The following NLK variants were observed in gnomAD, a reference collection of about 807,000 sequenced individuals.
NLK encodes nemo like kinase, also known as serine/threonine-protein kinase NLK.
NLK carries 11 observed loss-of-function variants against 59.0 expected under a neutral mutation model. The ratio of observed to expected loss-of-function variants is 0.19; its 90% CI spans 0.12 to 0.31. NLK has a LOEUF of 0.31. Among genes scored for constraint, NLK ranks in the 10% least tolerant of loss-of-function variants. The pLI is 1.00. For missense variants in NLK, 410 were observed against 661.1 expected (o/e 0.62, Z 4.16); for synonymous variants, 235 against 235.9 (o/e 1.00, Z 0.03).
chr17:28,137,879 T>C (rs1007190460), intron 3 of NLK, among the ~76,000 whole-genome samples: 5 of 152,158 alleles, frequency 3.3e-5, no homozygotes, highest in Admixed American at 6.5e-5. Context: ...CTGTATCTTT[T>C]AACTTTTTGT....
At chr17:28,122,811 A>G in intron 2 of NLK, 79 bp downstream of exon 2, 1 of 1,523,120 alleles carries the variant, frequency 6.6e-7, no homozygotes, top group Non-Finnish European at 9.0e-7. Context: ...TGAAAGTTTA[A>G]AAGGGCACCT....
intron 5 of NLK, among the ~76,000 whole-genome samples, chr17:28,167,300 A>G (rs1313882389): frequency 2.6e-5 from 4 of 152,042 alleles, no homozygotes; most frequent in Admixed American, 6.6e-5. Context: ...GCAGTGGCAC[A>G]GTAATAGCTC....
chr17:28,085,969 A>G (rs1002236585), intron 1 of NLK, among the ~76,000 whole-genome samples: 3 of 152,146 alleles, frequency 2.0e-5, no homozygotes, highest in Non-Finnish European at 2.9e-5. Flanking sequence ...AGTACACTCT[A>G]TGACATCTAT....
intron 8 of NLK, 200 bp from the exon 9 acceptor site, chr17:28,190,821 A>G: frequency 2.1e-6 from 1 of 472,554 alleles, no homozygotes; most frequent in Non-Finnish European, 3.7e-6. Flanking sequence ...ATGGTAGATA[A>G]TAACAGTAGT....
At chr17:28,189,034 A>T (rs1909222746) in intron 8 of NLK, among the ~76,000 whole-genome samples, 3 of 151,868 alleles carry the variant, frequency 2.0e-5, no homozygotes. Context: ...CTAATTTGGA[A>T]CTTTGAGTGC....
chr17:28,160,744 G>A lies in NLK; in HGVS notation c.645-416G>A, dbSNP rs138417510. The stretch of plus-strand genomic sequence containing the variant: ...ACAAGCCACAGCCCTTGGATAGGTT[G>A]TGATCTTTTCCATTGGTGTCATGGT... On this transcript the variant is annotated intron_variant, in intron 3 of 10. Coordinates refer to ENST00000407008, the MANE Select transcript of NLK (RefSeq NM_016231.5). 2.3e-3 allele frequency among the ~76,000 whole-genome samples: 352 copies of A among 152,334 alleles called. 3 individuals are homozygous for A. Among genetic ancestry groups the A allele is most frequent in the African/African-American group, 8.0e-3 (331 of 41,570 alleles).
At chr17:28,108,658 A>G (rs1905311545) in intron 1 of NLK, among the ~76,000 whole-genome samples, 1 of 152,376 alleles carries the variant, frequency 6.6e-6, no homozygotes, top group Middle Eastern at 3.4e-3. Context: ...TGTGAATAAT[A>G]AAACTTTAAT....
intron 3 of NLK, among the ~76,000 whole-genome samples, chr17:28,149,306 T>A (rs1465904927): frequency 6.6e-6 from 1 of 152,162 alleles, no homozygotes; most frequent in Non-Finnish European, 1.5e-5. Flanking sequence ...GTAAGCAATC[T>A]TCCTGCCTCG....
downstream of NLK, among the ~76,000 whole-genome samples, chr17:28,199,433 A>C (rs1452280607): frequency 6.6e-6 from 1 of 152,132 alleles, no homozygotes; most frequent in Non-Finnish European, 1.5e-5. Context: ...TGGGAGGCCA[A>C]GGCATGCGGA....
intron 1 of NLK, among the ~76,000 whole-genome samples, chr17:28,061,790 T>C (rs915279916): frequency 6.9e-6 from 1 of 145,964 alleles, no homozygotes; most frequent in Non-Finnish European, 1.5e-5. Flanking sequence ...ACATATATAA[T>C]ATATACATAT....
At position 28,098,634 on chromosome 17, in the gene NLK, C is replaced by T. The variant is rs1459439386; in HGVS notation, c.459-23969C>T. Among the ~76,000 whole-genome samples, 3 of 149,580 alleles carry T rather than the reference C, an allele frequency of 2.0e-5. No homozygotes were observed. The East Asian group carries it at 5.9e-4, about 29-fold the overall frequency. ...ATTGTTGGGCATACAAGTTTTTTCC[C>T]AGTTATTTTTCACAACTATGAAAAG... On this transcript the variant is annotated intron_variant, in intron 1 of 10. Coordinates refer to ENST00000407008, the MANE Select transcript of NLK (RefSeq NM_016231.5).
chr17:28,138,150 A>G (rs1306634270), intron 3 of NLK, among the ~76,000 whole-genome samples: 1 of 152,222 alleles, frequency 6.6e-6, no homozygotes, highest in Non-Finnish European at 1.5e-5. Flanking sequence ...ATGCTCTACA[A>G]TGCACATTAA....
At chr17:28,111,575 A>C (rs1267770885) in intron 1 of NLK, among the ~76,000 whole-genome samples, 2 of 152,164 alleles carry the variant, frequency 1.3e-5, no homozygotes, top group Non-Finnish European at 2.9e-5. Flanking sequence ...TGGACGTATT[A>C]GATAATACAG....
chr17:28,077,061 T>C (rs1910182389), intron 1 of NLK, among the ~76,000 whole-genome samples: 1 of 148,564 alleles, frequency 6.7e-6, no homozygotes, highest in South Asian at 2.1e-4. Flanking sequence ...TGCTTTGTAC[T>C]TCTCTTTCTT....
intron 3 of NLK, among the ~76,000 whole-genome samples, chr17:28,152,089 A>G (rs533185414): frequency 6.6e-6 from 1 of 152,360 alleles, no homozygotes; most frequent in South Asian, 2.1e-4. Context: ...TGTCCATTCA[A>G]ATCCCACAGG....
intron 9 of NLK, among the ~76,000 whole-genome samples, chr17:28,191,761 G>T (rs1734762412): frequency 6.6e-6 from 1 of 152,194 alleles, no homozygotes; most frequent in African/African-American, 2.4e-5. Flanking sequence ...TATACACCTA[G>T]ATACCAACTG....
chr17:28,198,562 T>C (rs766419193), downstream of NLK, among the ~76,000 whole-genome samples: 2 of 152,142 alleles, frequency 1.3e-5, no homozygotes, highest in Non-Finnish European at 1.5e-5. Flanking sequence ...TGACCTCAAA[T>C]GATCCACCCA....
At position 28,135,539 on chromosome 17, in the gene NLK, G is replaced by A. The variant is rs754003379; in HGVS notation, c.644+2864G>A. Reference sequence around the variant, plus strand: ...GTATACTAAGATACTATTGTCAGGTGGATATTGCAGTGGCCCAGAGGTTAT... The same window carrying A: ...GTATACTAAGATACTATTGTCAGGTAGATATTGCAGTGGCCCAGAGGTTAT... On this transcript the variant is annotated intron_variant, in intron 3 of 10. Transcript: ENST00000407008. Among the ~76,000 whole-genome samples, 8 of 152,342 alleles carry A rather than the reference G, an allele frequency of 5.3e-5. No individual in the cohort carries two copies. In the South Asian group the frequency reaches 1.2e-3, roughly 24 times the overall value.
intron 1 of NLK, among the ~76,000 whole-genome samples, chr17:28,076,914 C>T (rs998305863): frequency 1.3e-5 from 2 of 151,998 alleles, no homozygotes; most frequent in Admixed American, 1.3e-4. Context: ...AACATTGCAG[C>T]TTGTAAGATT....
Sources: allele counts gnomAD v4.1 joint callset (sites outside exome capture counted in the v4.1 genomes callset), GRCh38; gene constraint gnomAD v4.1.1; transcripts MANE v1.5; gene names NCBI Gene and HGNC (gene_info 2026-07-23, HGNC 2026-07-21).